OSBP: variants seen among roughly 807,000 people sequenced by gnomAD.
OSBP encodes the protein oxysterol binding protein.
OSBP carries 32 observed loss-of-function variants against 96.6 expected under a neutral mutation model. The observed-to-expected ratio is 0.33, with a 90% CI of 0.25 to 0.45. The LOEUF is 0.45. OSBP is among the 20% of genes least tolerant of loss of function. OSBP has a pLI of 1.00. For missense variants in OSBP, 653 were observed against 1,029.7 expected, an observed-to-expected ratio of 0.63 and a Z score of 5.01; for synonymous variants, 369 against 389.6, an observed-to-expected ratio of 0.95 and a Z score of 0.62.
intron 4 of OSBP, 107 bp from the exon 5 acceptor site, chr11:59,601,492 A>G (rs771676811): frequency 4.0e-5 from 46 of 1,142,788 alleles, no homozygotes; most frequent in Non-Finnish European, 5.1e-5. Flanking sequence ...AAATGGTAGA[A>G]AGCAGTGGAA....
chr11:59,609,449 T>C (rs1458229505), intron 2 of OSBP, among the ~76,000 whole-genome samples: 1 of 151,784 alleles, frequency 6.6e-6, no homozygotes, highest in Non-Finnish European at 1.5e-5. Context: ...GCAGTGTCAC[T>C]TCCTTTGGAG....
chr11:59,578,596 T>C (rs1316229060), intron 11 of OSBP, among the ~76,000 whole-genome samples: 4 of 152,180 alleles, frequency 2.6e-5, no homozygotes, highest in African/African-American at 9.7e-5. Flanking sequence ...ACTACAGGCA[T>C]GTGCCACCAT....
Position 59,594,255 on chromosome 11 carries a change from C to T in OSBP, c.1312G>A (p.Val438Ile). 6.2e-7 allele frequency: 1 copy of T among 1,613,710 alleles called. No homozygotes were observed. Among genetic ancestry groups the T allele is most frequent in the Admixed American group, 1.7e-5 (1 of 59,994 alleles). Residue 438 changes from valine to isoleucine, a missense_variant and splice_region_variant, in exon 8 of 14, where the codon GTA (valine) becomes ATA (isoleucine). Val to Ile is a conservative substitution (Grantham distance 29, BLOSUM62 3). Transcript: ENST00000263847. Reference protein sequence around the residue: ...GKELSKIPMPVNFNEPLSMLQ... With the variant: ...GKELSKIPMPINFNEPLSMLQ... ...ATGGACAAGGGCTCATTAAAGTTTA[C>T]CTGTAAGGAGAAGAACAGATATAAA... is the stretch of plus-strand genomic sequence containing the variant.
chr11:59,578,900 T>C (rs1008324142), intron 11 of OSBP, among the ~76,000 whole-genome samples: 4 of 152,248 alleles, frequency 2.6e-5, no homozygotes, highest in African/African-American at 4.8e-5. Context: ...GTGTATATAA[T>C]TTGCATTTAT....
intron 9 of OSBP, among the ~76,000 whole-genome samples, chr11:59,589,080 C>G (rs1466396222): frequency 1.3e-5 from 2 of 149,724 alleles, no homozygotes; most frequent in African/African-American, 4.9e-5. Flanking sequence ...AAAAATAAGT[C>G]ATAGAGGCCA....
At position 59,594,250 on chromosome 11, in the gene OSBP, G is replaced by C. The variant is rs1237894248; in HGVS notation, c.1317C>G (p.Asn439Lys). 1 of 1,613,934 alleles carries C rather than the reference G, an allele frequency of 6.2e-7. No individual in the cohort carries two copies. Among genetic ancestry groups the C allele is most frequent in the Non-Finnish European group, 8.5e-7 (1 of 1,179,928 alleles). Residue 439 changes from asparagine to lysine, a missense_variant, in exon 8 of 14, where the codon AAC becomes AAG. Asn to Lys is a moderately conservative substitution (Grantham distance 94, BLOSUM62 0). Transcript: ENST00000263847. ...GAAGCATGGACAAGGGCTCATTAAA[G>C]TTTACCTGTAAGGAGAAGAACAGAT... The part of the protein sequence containing the change: ...KELSKIPMPV[N>K]FNEPLSMLQR...
chr11:59,615,747 G>A lies in OSBP; in HGVS notation c.-83C>T, dbSNP rs1860921211. On this transcript the variant is annotated 5_prime_UTR_variant, in exon 1 of 14. Coordinates refer to ENST00000263847, the MANE Select transcript of OSBP (RefSeq NM_002556.3). ...GCCCGGAGCGCCCCACACGGCTACC[G>A]CATCAGCCACCGCCGCGCAGCGTCC... 4 of 1,225,002 alleles carry A rather than the reference G, an allele frequency of 3.3e-6. No individual in the cohort carries two copies. Among genetic ancestry groups the A allele is most frequent in the South Asian group, 6.3e-5 (2 of 31,962 alleles). 75.9% of individuals were successfully genotyped at this position (1,225,002 alleles called of 1,614,324 possible). A position where few individuals can be genotyped will look rare whatever the true frequency, so the allele number is the denominator to read the frequency against.
In OSBP at chr11:59,578,177, C is replaced by T; in HGVS notation, c.2032G>A (p.Val678Ile). The change falls in exon 12 of 14, where the codon GTC (valine) becomes ATC (isoleucine). Residue 678 changes from valine (V) to isoleucine (I), a missense_variant. Transcript: ENST00000263847. The stretch of plus-strand genomic sequence containing the variant: ...AAAGGATTCCTTTTCCACAGCATGA[C>T]CCTGCTTTCCTCTGCTTCATGGCCT... ...QRGHEAEESR[V>I]MLWKRNPLPK... is the part of the protein sequence containing the mutation. The T allele has an allele frequency of 6.2e-7, 1 of 1,614,170 alleles. No homozygotes were observed. Among genetic ancestry groups the T allele is most frequent in the Non-Finnish European group, 8.5e-7 (1 of 1,180,034 alleles).
chr11:59,580,198 G>T lies in OSBP; in HGVS notation c.1854C>A (p.Tyr618Ter). The T allele has an allele frequency of 1.2e-6, 2 of 1,610,254 alleles. No homozygotes were observed. Among genetic ancestry groups the T allele is most frequent in the Non-Finnish European group, 1.7e-6 (2 of 1,176,668 alleles). ...KCNLKFVPYSYFSRDVARKVT... is the reference protein window; with the variant it reads ...KCNLKFVPYS ...CCTTTCTTGCTACATCCCGAGAGAA[G>T]TAGCTATAAGGAACAAATTTAAGAT... The change falls in exon 11 of 14, where the codon TAC becomes TAA. Residue 618 changes from tyrosine to a stop codon, truncating the protein, a stop_gained. Transcript: ENST00000263847. LOFTEE classifies it high-confidence loss of function.
intron 7 of OSBP, 51 bp downstream of exon 7, chr11:59,600,445 T>A (rs746568144): frequency 1.9e-6 from 3 of 1,600,608 alleles, no homozygotes; most frequent in Non-Finnish European, 2.6e-6. Flanking sequence ...CTCTTCCCAC[T>A]GAGGCTTGAG....
chr11:59,574,616 C>T lies in OSBP; in HGVS notation c.*1961G>A, dbSNP rs934807817. 6.6e-6 allele frequency: 1 copy of T among 152,222 alleles called. No individual in the cohort carries two copies. The highest frequency in any genetic ancestry group is 1.5e-5 in the Non-Finnish European group (1 of 68,006). The allele number at this position is 152,222 out of a possible 1,614,324, so 9.4% of individuals were successfully genotyped here. A position where few individuals can be genotyped will look rare whatever the true frequency, so the allele number is the denominator to read the frequency against. The stretch of plus-strand genomic sequence containing the variant: ...AGAGAAGGGGATAAAGCAGAGAAGT[C>T]CAATTTAGTTGGGGAATTCTCACTC... On this transcript the variant is annotated 3_prime_UTR_variant, in exon 14 of 14. Transcript: ENST00000263847.
rs1478006296 is a variant in OSBP, at chr11:59,615,504, G to A, written c.161C>T (p.Ala54Val). The A allele has an allele frequency of 1.6e-5, 20 of 1,215,802 alleles. No individual in the cohort carries two copies. In the East Asian group the frequency reaches 4.7e-4, roughly 29 times the overall value. 75.3% of individuals were successfully genotyped at this position (1,215,802 alleles called of 1,614,324 possible). ...GAASGTVVAAAAGGPGPGAGG... is the reference protein window; with the variant it reads ...GAASGTVVAAVAGGPGPGAGG... ...GGCCCCCGGGCCCGGGCCTCCCGCC[G>A]CCGCCGCGACCACCGTCCCTGACGC... Residue 54 changes from alanine to valine, a missense_variant, in exon 1 of 14, where the codon GCG becomes GTG. By Grantham distance (64) the Ala-to-Val change is moderately conservative. Coordinates refer to ENST00000263847, the MANE Select transcript of OSBP (RefSeq NM_002556.3).
intron 11 of OSBP, 146 bp from the exon 12 acceptor site, chr11:59,578,476 G>T (rs1321625069): frequency 2.6e-6 from 2 of 777,514 alleles, no homozygotes; most frequent in African/African-American, 3.5e-5. Flanking sequence ...TTAGAGATGG[G>T]ATCTTGCTCT....
At position 59,587,232 on chromosome 11, in the gene OSBP, A is replaced by C. The variant is rs545983662; in HGVS notation, c.1679-5678T>G. On this transcript the variant is annotated intron_variant, in intron 9 of 13. Coordinates refer to ENST00000263847, the MANE Select transcript of OSBP (RefSeq NM_002556.3). Reference sequence around the variant, plus strand: ...GTGGGGAAAGGAGGCTGGGTACGGCAGCTCACGCCTGTAATCCCAGCACTT... The same window carrying C: ...GTGGGGAAAGGAGGCTGGGTACGGCCGCTCACGCCTGTAATCCCAGCACTT... Among the ~76,000 whole-genome samples, 4 of 152,276 alleles carry C rather than the reference A, an allele frequency of 2.6e-5. No individual in the cohort carries two copies. The South Asian group carries it at 8.3e-4, about 32-fold the overall frequency.
chr11:59,582,865 CTGTT>C lies in OSBP; in HGVS notation c.1679-1315_1679-1312del, dbSNP rs1590667734. ...ACACGTCCTGTTGTGCAGTAAATGT[CTGTT>C]TATTTGCCTAATAAAATGCTTGAAA... On this transcript the variant is annotated intron_variant, in intron 9 of 13. Transcript: ENST00000263847. Among the ~76,000 whole-genome samples, 4 of 152,164 alleles carry C rather than the reference CTGTT, an allele frequency of 2.6e-5. No individual in the cohort carries two copies. In the South Asian group the frequency reaches 6.2e-4, roughly 24 times the overall value.
At chr11:59,612,882 G>A (rs1860868780) in intron 1 of OSBP, among the ~76,000 whole-genome samples, 1 of 152,200 alleles carries the variant, frequency 6.6e-6, no homozygotes, top group African/African-American at 2.4e-5. Flanking sequence ...GGACATCTAA[G>A]TAACTGGGTA....
At chr11:59,591,836 G>T (rs1040422924) in intron 9 of OSBP, among the ~76,000 whole-genome samples, 2 of 152,008 alleles carry the variant, frequency 1.3e-5, no homozygotes, top group African/African-American at 4.8e-5. Flanking sequence ...GGCCAGGCTG[G>T]TCTCAAACTC....
intron 7 of OSBP, among the ~76,000 whole-genome samples, chr11:59,599,413 AT>A (rs544211100): frequency 0.019 from 2,744 of 147,912 alleles, 26 homozygotes; most frequent in Non-Finnish European, 0.03. Flanking sequence ...TATATTTTGA[AT>A]TTTTTTTTTT....
chr11:59,595,998 A>ATT (rs1860649235), intron 7 of OSBP, among the ~76,000 whole-genome samples: 1 of 149,828 alleles, frequency 6.7e-6, no homozygotes, highest in African/African-American at 2.5e-5. Flanking sequence ...TAAATAAATA[A>ATT]AATTCATAAA....
Sources: gnomAD v4.1 joint callset for allele counts (sites outside exome capture counted in the v4.1 genomes callset) on GRCh38, gnomAD v4.1.1 for gene constraint, MANE v1.5 for transcripts, NCBI Gene and HGNC (gene_info 2026-07-23, HGNC 2026-07-21) for gene names.